The following DNAJC24 variants were observed in gnomAD, a reference collection of about 807,000 sequenced individuals.
DNAJC24 encodes the protein DnaJ heat shock protein family (Hsp40) member C24.
A neutral mutation model predicts 18.0 loss-of-function variants in DNAJC24; 17 were observed. That is an observed-to-expected ratio of 0.94 (90% CI 0.65 to 1.42). The LOEUF is 1.42. Ranked by LOEUF, DNAJC24 falls within the 40% of genes most tolerant of loss-of-function variation. DNAJC24 has a pLI of 0.00. For synonymous variants in DNAJC24, 55 were observed against 57.7 expected, an observed-to-expected ratio of 0.95 and a Z score of 0.21; for missense variants, 158 against 175.6, an observed-to-expected ratio of 0.90 and a Z score of 0.57.
At chr11:31,421,178 G>A (rs1349985352) in intron 3 of DNAJC24, among the ~76,000 whole-genome samples, 1 of 152,056 alleles carries the variant, frequency 6.6e-6, no homozygotes, top group Non-Finnish European at 1.5e-5. Flanking sequence ...CAAGAGCAGA[G>A]GCATGTTAAA....
intron 2 of DNAJC24, among the ~76,000 whole-genome samples, chr11:31,399,497 C>G (rs1952577287): frequency 6.6e-6 from 1 of 151,326 alleles, no homozygotes; most frequent in South Asian, 2.1e-4. Context: ...TCACTGCAAC[C>G]CTGCCTCCTG....
chr11:31,384,175 C>T (rs1216740872), intron 2 of DNAJC24, among the ~76,000 whole-genome samples: 2 of 152,170 alleles, frequency 1.3e-5, no homozygotes, highest in Non-Finnish European at 2.9e-5. Flanking sequence ...CTTCTCATTT[C>T]TTCCTATTCA....
At chr11:31,395,652 A>G (rs1952537469) in intron 2 of DNAJC24, among the ~76,000 whole-genome samples, 1 of 152,212 alleles carries the variant, frequency 6.6e-6, no homozygotes, top group Non-Finnish European at 1.5e-5. Flanking sequence ...AACACTGTGA[A>G]GTATATGGAC....
intron 1 of DNAJC24, 33 bp downstream of exon 1, chr11:31,369,945 G>A (rs1591891641): frequency 6.6e-6 from 1 of 152,390 alleles, no homozygotes; most frequent in African/African-American, 2.4e-5. Flanking sequence ...CGCGGAGAGG[G>A]TGCCCGCCAA....
chr11:31,420,229 T>C (rs561524449), intron 3 of DNAJC24, among the ~76,000 whole-genome samples: 2 of 152,186 alleles, frequency 1.3e-5, no homozygotes, highest in Non-Finnish European at 2.9e-5. Flanking sequence ...TTTATACTGC[T>C]TGTTATTAAT....
chr11:31,390,025 A>G (rs1056587952), intron 2 of DNAJC24, among the ~76,000 whole-genome samples: 9 of 152,226 alleles, frequency 5.9e-5, no homozygotes, highest in African/African-American at 2.2e-4. Context: ...CTAAGAGGGA[A>G]GTTTATAGCA....
At chr11:31,405,032 TAGA>T (rs942039903) in intron 2 of DNAJC24, among the ~76,000 whole-genome samples, 17 of 151,528 alleles carry the variant, frequency 1.1e-4, no homozygotes, top group African/African-American at 3.9e-4. Flanking sequence ...TTCAGGAGAG[TAGA>T]AGGAGGGTAG....
intron 2 of DNAJC24, 40 bp downstream of exon 2, chr11:31,370,899 AAAAT>A (rs1952232307): frequency 2.2e-6 from 3 of 1,360,378 alleles, no homozygotes; most frequent in African/African-American, 1.5e-5. Flanking sequence ...TGAGGGGAAA[AAAAT>A]CAATTTTTAT....
intron 2 of DNAJC24, among the ~76,000 whole-genome samples, chr11:31,413,481 C>A (rs190527832): frequency 1.5e-4 from 23 of 151,904 alleles, no homozygotes; most frequent in Middle Eastern, 3.4e-3. Flanking sequence ...CAGGCGCCCA[C>A]CACCACACCT....
intron 2 of DNAJC24, among the ~76,000 whole-genome samples, chr11:31,375,581 G>C (rs1249566210): frequency 1.5e-5 from 2 of 134,990 alleles, no homozygotes; most frequent in African/African-American, 5.0e-5. Flanking sequence ...AACAAAAGCA[G>C]AGAGGAATAG....
rs1952951556 is a variant in DNAJC24 at position 31,432,714 on chromosome 11, AAAGT to A, written c.*2317_*2320del. ...AATCAAGAATAAAATTTTCTACATC[AAAGT>A]AAGACTTGAGAAAATAAACTTATGT... On this transcript the variant is annotated 3_prime_UTR_variant, in exon 5 of 5. Transcript: ENST00000465995. 1 of 627,662 alleles carries A rather than the reference AAAGT, an allele frequency of 1.6e-6. No individual in the cohort carries two copies. The highest frequency in any genetic ancestry group is 2.1e-5 in the South Asian group (1 of 48,386). The allele number at this position is 627,662 out of a possible 1,614,324, so 38.9% of individuals were successfully genotyped here.
chr11:31,424,042 G>A (rs1000344172), intron 3 of DNAJC24, among the ~76,000 whole-genome samples: 1 of 152,152 alleles, frequency 6.6e-6, no homozygotes, highest in African/African-American at 2.4e-5. Flanking sequence ...GTAACTATGT[G>A]AGAAGAACAA....
chr11:31,399,598 G>C (rs1952578341), intron 2 of DNAJC24, among the ~76,000 whole-genome samples: 1 of 151,658 alleles, frequency 6.6e-6, no homozygotes, highest in African/African-American at 2.4e-5. Flanking sequence ...ATTTTTAGTA[G>C]AGACGGGATT....
intron 2 of DNAJC24, 35 bp downstream of exon 2, chr11:31,370,894 G>A: frequency 7.1e-7 from 1 of 1,398,916 alleles, no homozygotes; most frequent in Non-Finnish European, 9.9e-7. Flanking sequence ...AATCATGAGG[G>A]GAAAAAAATC....
At chr11:31,389,237 C>G (rs1952462627) in intron 2 of DNAJC24, among the ~76,000 whole-genome samples, 1 of 152,056 alleles carries the variant, frequency 6.6e-6, no homozygotes, top group African/African-American at 2.4e-5. Context: ...AAAAACAAGA[C>G]CCAACCATCT....
chr11:31,426,420 A>AG lies in DNAJC24; in HGVS notation c.319+65_319+66insG. 3 of 901,986 alleles carry AG rather than the reference A, an allele frequency of 3.3e-6. No individual in the cohort carries two copies. The South Asian group carries it at 4.9e-5, about 15-fold the overall frequency. 55.9% of individuals were successfully genotyped at this position (901,986 alleles called of 1,614,324 possible). On this transcript the variant is annotated intron_variant, in intron 4 of 4. Transcript: ENST00000465995. Reference sequence around the variant, plus strand: ...AAGGAATTTTCTATAAGAAAAAAAAACTCATTGGATATTTGGAAATCTTAA... The same window carrying AG: ...AAGGAATTTTCTATAAGAAAAAAAAAGCTCATTGGATATTTGGAAATCTTAA...
chr11:31,401,311 A>G (rs1309999378), intron 2 of DNAJC24, among the ~76,000 whole-genome samples: 1 of 152,158 alleles, frequency 6.6e-6, no homozygotes, highest in African/African-American at 2.4e-5. Context: ...TCTTTATTTG[A>G]AAAACACCAA....
chr11:31,408,807 A>G (rs984570389), intron 2 of DNAJC24, among the ~76,000 whole-genome samples: 1 of 152,208 alleles, frequency 6.6e-6, no homozygotes, highest in African/African-American at 2.4e-5. Context: ...CCAAAATTTG[A>G]GGAAATTACT....
chr11:31,393,287 A>G (rs964673258), intron 2 of DNAJC24, among the ~76,000 whole-genome samples: 5 of 152,150 alleles, frequency 3.3e-5, no homozygotes, highest in African/African-American at 9.7e-5. Flanking sequence ...AACATAACCT[A>G]TAATGGGGCA....
Sources: allele counts gnomAD v4.1 joint callset (sites outside exome capture counted in the v4.1 genomes callset), GRCh38; gene constraint gnomAD v4.1.1; transcripts MANE v1.5; gene names NCBI Gene and HGNC (gene_info 2026-07-23, HGNC 2026-07-21).